Variants in GRAMD1B observed in about 807,000 individuals in gnomAD.
GRAMD1B encodes protein Aster-B.
In GRAMD1B, 37 loss-of-function variants were observed where a neutral mutation model predicts 99.7. That is an observed-to-expected ratio of 0.37 (90% CI 0.29 to 0.49). GRAMD1B has a LOEUF of 0.49. GRAMD1B is among the 20% of genes least tolerant of loss of function. The pLI is 0.98. For synonymous variants in GRAMD1B, 427 were observed against 387.6 expected, an observed-to-expected ratio of 1.10 and a Z score of -1.19; for missense variants, 888 against 1,009.2, an observed-to-expected ratio of 0.88 and a Z score of 1.63.
Position 123,507,830 on chromosome 11 carries a change from A to G in GRAMD1B, c.452+26937A>G, listed in dbSNP as rs569918356. On this transcript the variant is annotated intron_variant, in intron 2 of 19. Coordinates refer to ENST00000635736, the MANE Select transcript of GRAMD1B (RefSeq NM_001387025.1). ...GAGGTTTTATATTCTCTACCAAACT[A>G]TAGTAATAGGGAGCAGGACTTGGGT... Among the ~76,000 whole-genome samples the G allele has an allele frequency of 3.3e-5, 5 of 152,322 alleles. No individual in the cohort carries two copies. In the East Asian group the frequency reaches 5.8e-4, roughly 18 times the overall value.
chr11:123,503,024 G>A (rs748804808), intron 2 of GRAMD1B, among the ~76,000 whole-genome samples: 2 of 152,092 alleles, frequency 1.3e-5, no homozygotes, highest in Non-Finnish European at 2.9e-5. Flanking sequence ...GTATTATAAA[G>A]CATATCGCTA....
intron 19 of GRAMD1B, among the ~76,000 whole-genome samples, chr11:123,621,732 AC>A (rs1400593030): frequency 6.6e-6 from 1 of 152,218 alleles, no homozygotes; most frequent in Non-Finnish European, 1.5e-5. Flanking sequence ...ACCAGATGAA[AC>A]AAGTAGATCA....
intron 1 of GRAMD1B, chr11:123,381,387 T>C (rs746172177): frequency 6.5e-6 from 1 of 154,312 alleles, no homozygotes; most frequent in Non-Finnish European, 1.5e-5. Flanking sequence ...ATGAGACAAG[T>C]CCTGGTTAGG....
At chr11:123,411,836 G>A (rs532351268) in intron 1 of GRAMD1B, among the ~76,000 whole-genome samples, 89 of 152,100 alleles carry the variant, frequency 5.9e-4, no homozygotes, top group African/African-American at 2.1e-3. Flanking sequence ...TTTTGGTAGA[G>A]ATGGGGTTTT....
chr11:123,544,769 C>T (rs2135752540), intron 2 of GRAMD1B, among the ~76,000 whole-genome samples: 1 of 152,370 alleles, frequency 6.6e-6, no homozygotes, highest in South Asian at 2.1e-4. Context: ...ACCAGGGCCC[C>T]CGGGCCCCAA....
At chr11:123,452,329 G>T (rs557688330) in intron 1 of GRAMD1B, among the ~76,000 whole-genome samples, 21 of 152,348 alleles carry the variant, frequency 1.4e-4, no homozygotes, top group African/African-American at 4.6e-4. Flanking sequence ...GCCAGATCTT[G>T]TGAAGGACAT....
rs748744678 is a variant in GRAMD1B at position 123,612,778 on chromosome 11, G to A, written c.1937G>A (p.Arg646His). 13 of 1,605,068 alleles carry A rather than the reference G, an allele frequency of 8.1e-6. No homozygotes were observed. Among genetic ancestry groups the A allele is most frequent in the East Asian group, 4.5e-5 (2 of 44,748 alleles). The change falls in exon 15 of 20, where the codon CGC becomes CAC. Residue 646 changes from arginine to histidine, a missense_variant. Arg to His is a conservative substitution (Grantham distance 29). Around this residue, in one of 5 missense-constraint regions of GRAMD1B, gnomAD observed 92 missense variants for 156.9 expected, o/e 0.59. Coordinates refer to ENST00000635736, the MANE Select transcript of GRAMD1B (RefSeq NM_001387025.1). Reference sequence around the variant, plus strand: ...CTCCTCAGGGTCTCCACAGAGCTGCGCTATCGAAAACAGCCCTGGGGGTTA... The same window carrying A: ...CTCCTCAGGGTCTCCACAGAGCTGCACTATCGAAAACAGCCCTGGGGGTTA... ...KSRLRVSTEL[R>H]YRKQPWGLVK...
Position 123,613,391 on chromosome 11 carries a change from T to G in GRAMD1B, c.2024-64T>G, listed in dbSNP as rs1592281173. 4 of 1,190,436 alleles carry G rather than the reference T, an allele frequency of 3.4e-6. No individual in the cohort carries two copies. The East Asian group carries it at 1.0e-4, about 30-fold the overall frequency. 73.7% of individuals were successfully genotyped at this position (1,190,436 alleles called of 1,614,324 possible). ...CCAGAATACAGAATAGGAAAATGGT[T>G]CTGCAGAGAGTTGCATTGGAGGGCT... On this transcript the variant is annotated intron_variant, in intron 15 of 19. Transcript: ENST00000635736.
chr11:123,536,033 G>C (rs1311284085), intron 2 of GRAMD1B, among the ~76,000 whole-genome samples: 1 of 152,150 alleles, frequency 6.6e-6, no homozygotes, highest in Admixed American at 6.5e-5. Flanking sequence ...CGGGCCTCTG[G>C]GGACAGATGC....
intron 2 of GRAMD1B, among the ~76,000 whole-genome samples, chr11:123,501,595 C>T (rs1290156558): frequency 6.6e-6 from 1 of 152,178 alleles, no homozygotes; most frequent in Admixed American, 6.5e-5. Context: ...TTTTTTCTAA[C>T]TTGCTGGAAT....
chr11:123,593,001 G>T (rs939025237), intron 4 of GRAMD1B, among the ~76,000 whole-genome samples: 9 of 152,262 alleles, frequency 5.9e-5, no homozygotes. Context: ...GGAGGCCGAG[G>T]TGGGTGGATC....
intron 1 of GRAMD1B, among the ~76,000 whole-genome samples, chr11:123,383,109 G>C (rs1468099040): frequency 2.0e-5 from 3 of 152,128 alleles, no homozygotes; most frequent in Non-Finnish European, 4.4e-5. Flanking sequence ...AATGTGTAAT[G>C]GTAGGTCGGG....
rs367844387 is a variant in GRAMD1B, at chr11:123,608,740, A to G, written c.1595A>G (p.Tyr532Cys). 1.3e-6 allele frequency: 2 copies of G among 1,553,924 alleles called. No individual in the cohort carries two copies. Among genetic ancestry groups the G allele is most frequent in the Non-Finnish European group, 1.7e-6 (2 of 1,148,020 alleles). The change falls in exon 12 of 20, where the codon TAT (tyrosine) becomes TGT (cysteine). Residue 532 changes from tyrosine to cysteine, a missense_variant. By Grantham distance (194) the Tyr-to-Cys change is radical. Transcript: ENST00000635736. ...TTCAACTTCAGCGTGGACAAGCTCT[A>G]TGACCTCCTCTTCACCAACTCGCCC... is the stretch of plus-strand genomic sequence containing the variant. ...EVFNFSVDKL[Y>C]DLLFTNSPFQ...
At chr11:123,407,008 T>C (rs1024652277) in intron 1 of GRAMD1B, among the ~76,000 whole-genome samples, 1 of 152,260 alleles carries the variant, frequency 6.6e-6, no homozygotes, top group African/African-American at 2.4e-5. Context: ...TTAGGTTTCT[T>C]TTTCACTTAC....
chr11:123,387,625 G>A (rs1480393825), intron 1 of GRAMD1B, among the ~76,000 whole-genome samples: 1 of 152,002 alleles, frequency 6.6e-6, no homozygotes, highest in Non-Finnish European at 1.5e-5. Flanking sequence ...TTTACTACTT[G>A]GATTCCAGCT....
chr11:123,579,193 G>A (rs905631655), intron 3 of GRAMD1B, among the ~76,000 whole-genome samples: 2 of 152,244 alleles, frequency 1.3e-5, no homozygotes, highest in African/African-American at 4.8e-5. Flanking sequence ...ACAGGAGAAC[G>A]TGCAGCGAGT....
At chr11:123,387,256 C>T (rs528043100) in intron 1 of GRAMD1B, among the ~76,000 whole-genome samples, 12 of 152,050 alleles carry the variant, frequency 7.9e-5, no homozygotes, top group African/African-American at 2.2e-4. Context: ...GTGAAGTATC[C>T]CCAGGAAGAT....
chr11:123,624,211 C>G lies in GRAMD1B; in HGVS notation c.*1616C>G, dbSNP rs1292036031. Reference sequence around the variant, plus strand: ...TCTTGACACAGGGGCAGAAGAAACCCCAGATGTCCCAGATGTCCCAGAACA... The same window carrying G: ...TCTTGACACAGGGGCAGAAGAAACCGCAGATGTCCCAGATGTCCCAGAACA... On this transcript the variant is annotated 3_prime_UTR_variant, in exon 20 of 20. Transcript: ENST00000635736. 2.0e-5 allele frequency: 3 copies of G among 152,124 alleles called. No individual in the cohort carries two copies. Among genetic ancestry groups the G allele is most frequent in the Non-Finnish European group, 4.4e-5 (3 of 68,014 alleles). 9.4% of individuals were successfully genotyped at this position (152,124 alleles called of 1,614,324 possible). A position where few individuals can be genotyped will look rare whatever the true frequency, so the allele number is the denominator to read the frequency against.
chr11:123,509,416 C>T (rs1390541326), intron 2 of GRAMD1B, among the ~76,000 whole-genome samples: 1 of 152,182 alleles, frequency 6.6e-6, no homozygotes, highest in Non-Finnish European at 1.5e-5. Flanking sequence ...TCAGGAAGGA[C>T]ATGGGTGTTT....
Sources: gnomAD v4.1 joint callset for allele counts (sites outside exome capture counted in the v4.1 genomes callset) on GRCh38, gnomAD v4.1.1 for gene constraint, gnomAD v4.1.1 regional missense constraint, MANE v1.5 for transcripts, NCBI Gene and HGNC (gene_info 2026-07-23, HGNC 2026-07-21) for gene names.